C1GALT1: variants seen among roughly 807,000 people sequenced by gnomAD.
C1GALT1 encodes the protein core 1 synthase, glycoprotein-N-acetylgalactosamine 3-beta-galactosyltransferase 1.
Under a neutral mutation model 31.0 loss-of-function variants are expected in C1GALT1, and 11 were observed. The observed-to-expected ratio is 0.36, with a 90% CI of 0.22 to 0.59. The LOEUF (loss-of-function observed/expected upper bound fraction) is 0.59, where lower values mean the gene tolerates loss of function less well. C1GALT1 is among the 20% of genes least tolerant of loss of function. The pLI, the probability that C1GALT1 is intolerant of heterozygous loss-of-function variation, is 0.79. For missense variants in C1GALT1, 424 were observed against 425.2 expected, an observed-to-expected ratio of 1.00 and a Z score of 0.03; for synonymous variants, 175 against 143.6, an observed-to-expected ratio of 1.22 and a Z score of -1.56.
At chr7:7,215,532 GT>G (rs1782197864) in intron 1 of C1GALT1, among the ~76,000 whole-genome samples, 1 of 152,050 alleles carries the variant, frequency 6.6e-6, no homozygotes, top group Admixed American at 6.5e-5. Flanking sequence ...CCTTTTTCAG[GT>G]TGGAAGAACA....
chr7:7,209,688 A>AG (rs1583784685), intron 1 of C1GALT1: 2 of 152,198 alleles, frequency 1.3e-5, no homozygotes, highest in East Asian at 3.8e-4. Flanking sequence ...CAGTGTGATA[A>AG]AGCAGTATAA....
chr7:7,226,944 A>G (rs546868757), intron 1 of C1GALT1, among the ~76,000 whole-genome samples: 1 of 152,204 alleles, frequency 6.6e-6, no homozygotes, highest in South Asian at 2.1e-4. Flanking sequence ...GTGTATATAT[A>G]TATTTGTACA....
At chr7:7,195,853 A>G (rs999046141) in intron 1 of C1GALT1, among the ~76,000 whole-genome samples, 22 of 152,126 alleles carry the variant, frequency 1.4e-4, no homozygotes, top group Non-Finnish European at 2.4e-4. Context: ...GGGAACTCCA[A>G]TGTTAGGTGC....
At chr7:7,167,278 G>T (rs905541496) in intron 2 of C1GALT1, among the ~76,000 whole-genome samples, 1 of 152,116 alleles carries the variant, frequency 6.6e-6, no homozygotes, top group African/African-American at 2.4e-5. Flanking sequence ...AGTTTGCCCC[G>T]AATGGCAATC....
At chr7:7,196,566 T>C (rs914278958) in intron 1 of C1GALT1, among the ~76,000 whole-genome samples, 2 of 152,222 alleles carry the variant, frequency 1.3e-5, no homozygotes, top group Non-Finnish European at 2.9e-5. Flanking sequence ...TGTAATCCTT[T>C]GGGTATATGC....
intron 2 of C1GALT1, among the ~76,000 whole-genome samples, chr7:7,163,935 A>G (rs2128226665): frequency 6.6e-6 from 1 of 152,036 alleles, no homozygotes; most frequent in Non-Finnish European, 1.5e-5. Flanking sequence ...CAAGCTACCA[A>G]TGACTTTCTT....
At chr7:7,204,462 T>C (rs1423868491) in intron 1 of C1GALT1, among the ~76,000 whole-genome samples, 3 of 152,062 alleles carry the variant, frequency 2.0e-5, no homozygotes, top group African/African-American at 7.2e-5. Flanking sequence ...TCTTTTTTTC[T>C]TAGTCTAGCT....
intron 1 of C1GALT1, among the ~76,000 whole-genome samples, chr7:7,202,112 C>A (rs1781552541): frequency 2.0e-5 from 3 of 152,184 alleles, no homozygotes. Flanking sequence ...CGTGAATTGG[C>A]CCTTTGGGAT....
chr7:7,172,891 G>A (rs1780469203), intron 2 of C1GALT1, among the ~76,000 whole-genome samples: 1 of 152,120 alleles, frequency 6.6e-6, no homozygotes, highest in South Asian at 2.1e-4. Flanking sequence ...AATGTATAAT[G>A]AAATGTATCT....
chr7:7,238,686 G>C lies in C1GALT1; in HGVS notation c.652G>C (p.Glu218Gln), dbSNP rs765920160. The stretch of plus-strand genomic sequence containing the variant: ...AGGAGCAGGATATGTACTAAGCAAA[G>C]AAGCCTTGAAAAGATTTGTTGATGC... ...SGGAGYVLSK[E>Q]ALKRFVDAFK... Residue 218 changes from glutamate to glutamine, a missense_variant, in exon 3 of 4, where the codon GAA (glutamate) becomes CAA (glutamine). This residue lies in a region of C1GALT1 where 191 missense variants were observed against 188.8 expected (regional missense o/e 1.01). Coordinates refer to ENST00000436587, the MANE Select transcript of C1GALT1 (RefSeq NM_020156.5). The surrounding 1 kb of genome is among the most constrained non-coding windows in gnomAD (Gnocchi z 5.2). 1.2e-6 allele frequency: 2 copies of C among 1,614,080 alleles called. No homozygotes were observed. Among genetic ancestry groups the C allele is most frequent in the Non-Finnish European group, 1.7e-6 (2 of 1,179,958 alleles).
intron 1 of C1GALT1, among the ~76,000 whole-genome samples, chr7:7,223,436 T>C (rs764654825): frequency 6.6e-6 from 1 of 152,220 alleles, no homozygotes; most frequent in Non-Finnish European, 1.5e-5. Context: ...GTGCTAGGAT[T>C]ACAGGTGTGA....
chr7:7,187,313 G>T (rs6651061), intron 1 of C1GALT1, among the ~76,000 whole-genome samples: 7 of 150,930 alleles, frequency 4.6e-5, no homozygotes. Context: ...GCAGTGGCGC[G>T]ATCTCAGCTC....
intron 2 of C1GALT1, among the ~76,000 whole-genome samples, chr7:7,237,661 T>C (rs1278192471): frequency 1.3e-5 from 2 of 152,184 alleles, no homozygotes; most frequent in Admixed American, 1.3e-4. Flanking sequence ...TAATCTCAAC[T>C]CCTGTGCTTT....
chr7:7,177,907 T>C (rs1452916654), upstream of C1GALT1: 3 of 170,216 alleles, frequency 1.8e-5, no homozygotes, highest in Non-Finnish European at 4.0e-5. Context: ...AGTTAGTGGA[T>C]AGGGAAATTG....
intron 1 of C1GALT1, among the ~76,000 whole-genome samples, chr7:7,229,220 A>T (rs891759551): frequency 1.2e-4 from 18 of 152,126 alleles, no homozygotes; most frequent in African/African-American, 4.3e-4. Context: ...CTTTTCTGAG[A>T]TGGTGAAGTG....
chr7:7,233,404 A>T (rs1390132332), intron 1 of C1GALT1, among the ~76,000 whole-genome samples: 2 of 152,026 alleles, frequency 1.3e-5, no homozygotes, highest in African/African-American at 4.8e-5. Flanking sequence ...CTTCCCAAGT[A>T]TTCACCTTAT....
chr7:7,220,221 A>G (rs1466845116), intron 1 of C1GALT1, among the ~76,000 whole-genome samples: 1 of 152,258 alleles, frequency 6.6e-6, no homozygotes, highest in Non-Finnish European at 1.5e-5. Context: ...GTTAGCCAGC[A>G]TAGGGTTGTG....
At position 7,238,148 on chromosome 7, in the gene C1GALT1, G is replaced by A. The variant is rs1178356210; in HGVS notation, c.221-107G>A. Reference sequence around the variant, plus strand: ...CCTTTGGCTAAATCACTAATAGAGGGATAAATAGGGACTTTGAAATTAGGA... The same window carrying A: ...CCTTTGGCTAAATCACTAATAGAGGAATAAATAGGGACTTTGAAATTAGGA... On this transcript the variant is annotated intron_variant, in intron 2 of 3. Transcript: ENST00000436587. The surrounding 1 kb of genome is among the most constrained non-coding windows in gnomAD (Gnocchi z 5.2). 2.8e-6 allele frequency: 3 copies of A among 1,079,064 alleles called. No individual in the cohort carries two copies. In the Admixed American group the frequency reaches 8.7e-5, roughly 31 times the overall value. 66.8% of individuals were successfully genotyped at this position (1,079,064 alleles called of 1,614,324 possible).
chr7:7,233,415 T>C (rs1378851709), intron 1 of C1GALT1, among the ~76,000 whole-genome samples: 1 of 152,126 alleles, frequency 6.6e-6, no homozygotes, highest in East Asian at 1.9e-4. Flanking sequence ...TTCACCTTAT[T>C]CTTCCCAAGT....
Sources: gnomAD v4.1 joint callset for allele counts (sites outside exome capture counted in the v4.1 genomes callset) on GRCh38, gnomAD v4.1.1 for gene constraint, gnomAD v4.1.1 regional missense constraint, Gnocchi (gnomAD v3.1) non-coding constraint, MANE v1.5 for transcripts, NCBI Gene and HGNC (gene_info 2026-07-23, HGNC 2026-07-21) for gene names.